The following KCMF1 variants were observed in gnomAD, a reference collection of about 807,000 sequenced individuals.
KCMF1 encodes E3 ubiquitin-protein ligase KCMF1.
Under a neutral mutation model 41.1 loss-of-function variants are expected in KCMF1, and 3 were observed. The observed-to-expected ratio is 0.07, with a 90% CI of 0.03 to 0.19. KCMF1 has a LOEUF of 0.19. Among genes scored for constraint, KCMF1 ranks in the 10% least tolerant of loss-of-function variants. The probability of loss-of-function intolerance (pLI) is 1.00; values close to 1 mark genes in which losing one functional copy is unlikely to be tolerated. For synonymous variants in KCMF1, 142 were observed against 164.5 expected (o/e 0.86, Z 1.04); for missense variants, 286 against 488.9 (o/e 0.58, Z 3.91).
intron 1 of KCMF1, 137 bp from the exon 2 acceptor site, chr2:85,027,752 C>T (rs998337165): frequency 1.7e-5 from 10 of 603,134 alleles, no homozygotes; most frequent in South Asian, 4.2e-5. Context: ...TAAAACTTCC[C>T]GTATCATTTT....
At chr2:85,026,189 C>G (rs1675098725) in intron 1 of KCMF1, among the ~76,000 whole-genome samples, 1 of 152,014 alleles carries the variant, frequency 6.6e-6, no homozygotes, top group Admixed American at 6.6e-5. Flanking sequence ...TGGGGTTTCA[C>G]CAGGTTGGTC....
chr2:84,980,043 G>C (rs903016848), intron 1 of KCMF1, among the ~76,000 whole-genome samples: 6 of 151,490 alleles, frequency 4.0e-5, no homozygotes, highest in African/African-American at 1.5e-4. Flanking sequence ...ATGTTGGTCA[G>C]GCTGGTCTTG....
At chr2:84,993,724 C>T (rs1448975139) in intron 1 of KCMF1, among the ~76,000 whole-genome samples, 8 of 151,240 alleles carry the variant, frequency 5.3e-5, no homozygotes, top group Non-Finnish European at 8.8e-5. Context: ...TACAGGCATG[C>T]GCCACCGTGC....
Position 85,053,153 on chromosome 2 carries a change from A to G in KCMF1, c.890A>G (p.Asn297Ser). ...QNSQFLLTRL[N>S]DPKMSETERQ... ...TTTCTTTTTAACTTACACAGGTTGA[A>G]TGATCCTAAAATGTCTGAAACGGAG... Residue 297 changes from asparagine (N) to serine (S), a missense_variant, in exon 7 of 7, where the codon AAT becomes AGT. Transcript: ENST00000409785. 1 of 1,612,886 alleles carries G rather than the reference A, an allele frequency of 6.2e-7. No homozygotes were observed. Among genetic ancestry groups the G allele is most frequent in the Non-Finnish European group, 8.5e-7 (1 of 1,179,440 alleles).
At chr2:84,993,535 A>G (rs891219050) in intron 1 of KCMF1, among the ~76,000 whole-genome samples, 1 of 150,856 alleles carries the variant, frequency 6.6e-6, no homozygotes, top group Non-Finnish European at 1.5e-5. Flanking sequence ...TTTTTGGTCA[A>G]TTCTCTACCC....
chr2:85,007,826 G>A (rs190799035), intron 1 of KCMF1, among the ~76,000 whole-genome samples: 2 of 152,136 alleles, frequency 1.3e-5, no homozygotes, highest in African/African-American at 4.8e-5. Context: ...GAGTGCAATG[G>A]CGTGATCTCA....
chr2:85,039,926 C>T (rs1211100729), intron 3 of KCMF1, among the ~76,000 whole-genome samples: 1 of 152,136 alleles, frequency 6.6e-6, no homozygotes, highest in Non-Finnish European at 1.5e-5. Context: ...AATTCTCCTG[C>T]CTCAGCCTCC....
At chr2:85,000,027 T>TA (rs55703502) in intron 1 of KCMF1, among the ~76,000 whole-genome samples, 33 of 147,728 alleles carry the variant, frequency 2.2e-4, no homozygotes, top group Admixed American at 3.4e-4. Context: ...CAGGGGACAT[T>TA]AAAAAAAAAA....
At chr2:85,043,721 A>G (rs895312430) in intron 4 of KCMF1, 56 bp downstream of exon 4, 5 of 1,282,254 alleles carry the variant, frequency 3.9e-6, no homozygotes, top group Non-Finnish European at 5.6e-6. Context: ...TGTCATTTTG[A>G]TTTTTTGTTT....
intron 1 of KCMF1, among the ~76,000 whole-genome samples, chr2:85,008,256 T>G (rs186323430): frequency 5.3e-5 from 5 of 94,228 alleles, no homozygotes; most frequent in Non-Finnish European, 8.2e-5. Flanking sequence ...TGATATATAT[T>G]ATATATCATA....
intron 3 of KCMF1, among the ~76,000 whole-genome samples, chr2:85,039,660 C>T (rs1389457826): frequency 6.6e-6 from 1 of 151,964 alleles, no homozygotes; most frequent in African/African-American, 2.4e-5. Context: ...TGGGATGGGA[C>T]CTCATCTCAA....
intron 1 of KCMF1, among the ~76,000 whole-genome samples, chr2:85,019,692 C>T (rs1308665538): frequency 6.6e-6 from 1 of 151,814 alleles, no homozygotes; most frequent in Non-Finnish European, 1.5e-5. Context: ...GTAAGAAACC[C>T]TGCTGTAAAC....
intron 6 of KCMF1, among the ~76,000 whole-genome samples, chr2:85,051,115 C>A (rs532953332): frequency 6.6e-6 from 1 of 152,292 alleles, no homozygotes; most frequent in Admixed American, 6.5e-5. Context: ...TGTTATGAAA[C>A]CAAGAAAAAC....
intron 4 of KCMF1, among the ~76,000 whole-genome samples, chr2:85,044,060 AT>A (rs1312735502): frequency 2.0e-5 from 3 of 152,098 alleles, no homozygotes; most frequent in South Asian, 2.1e-4. Flanking sequence ...TTACAATTAG[AT>A]TTTTTTTAAG....
chr2:85,021,414 G>A (rs1338064250), intron 1 of KCMF1, among the ~76,000 whole-genome samples: 3 of 152,174 alleles, frequency 2.0e-5, no homozygotes, highest in Admixed American at 2.0e-4. Context: ...ACGAGGTCAG[G>A]AGATCGAGAA....
chr2:85,026,439 G>A (rs1243901816), intron 1 of KCMF1, among the ~76,000 whole-genome samples: 1 of 148,056 alleles, frequency 6.8e-6, no homozygotes, highest in African/African-American at 2.5e-5. Context: ...ACCCAGCCCT[G>A]TTCAAGCTTC....
chr2:84,975,830 C>T (rs1673531505), intron 1 of KCMF1, among the ~76,000 whole-genome samples: 1 of 152,164 alleles, frequency 6.6e-6, no homozygotes, highest in Admixed American at 6.6e-5. Flanking sequence ...AGCAACTTAA[C>T]AAATTGCTCG....
chr2:85,032,223 G>A (rs1230685586), intron 2 of KCMF1, among the ~76,000 whole-genome samples: 1 of 152,012 alleles, frequency 6.6e-6, no homozygotes, highest in African/African-American at 2.4e-5. Flanking sequence ...CCAGGCTGGA[G>A]TGCAGTGGTG....
intron 1 of KCMF1, among the ~76,000 whole-genome samples, chr2:84,996,595 TC>T (rs1172552152): frequency 7.2e-5 from 11 of 151,746 alleles, no homozygotes; most frequent in Admixed American, 7.2e-4. Context: ...ACCACCATGC[TC>T]GGCCAATTTT....
Sources: gnomAD v4.1 joint callset for allele counts (sites outside exome capture counted in the v4.1 genomes callset) on GRCh38, gnomAD v4.1.1 for gene constraint, MANE v1.5 for transcripts, NCBI Gene and HGNC (gene_info 2026-07-23, HGNC 2026-07-21) for gene names.